Variants in SLC24A2 observed in about 807,000 individuals in gnomAD.
SLC24A2 encodes solute carrier family 24 member 2, also known as sodium/potassium/calcium exchanger 2.
A neutral mutation model predicts 62.0 loss-of-function variants in SLC24A2; 36 were observed. The observed-to-expected ratio is 0.58, with a 90% confidence interval of 0.44 to 0.77. SLC24A2 has a LOEUF of 0.77. SLC24A2 is among the 30% of genes least tolerant of loss of function. The pLI is 0.00. For synonymous variants in SLC24A2, 358 were observed against 294.0 expected, an observed-to-expected ratio of 1.22 and a Z score of -2.23; for missense variants, 846 against 817.9, an observed-to-expected ratio of 1.03 and a Z score of -0.42.
At chr9:20,068,095 G>A in the SLC24A2 span, among the ~76,000 whole-genome samples, 2 of 121,286 alleles carry the variant, frequency 1.6e-5, no homozygotes, top group Admixed American at 1.1e-4. Context: ...ACGGAGTCTC[G>A]CTCTGTCACC....
chr9:20,102,154 C>A, the SLC24A2 span, among the ~76,000 whole-genome samples: 1 of 152,134 alleles, frequency 6.6e-6, no homozygotes, highest in African/African-American at 2.4e-5. Flanking sequence ...GAGTTGGAGC[C>A]TAAACCTACC....
the SLC24A2 span, among the ~76,000 whole-genome samples, chr9:20,220,476 G>T: frequency 6.6e-6 from 1 of 152,072 alleles, no homozygotes; most frequent in Non-Finnish European, 1.5e-5. Context: ...ACCACTTCCT[G>T]GATCAGAAAG....
At chr9:19,713,927 C>G (rs1820787175) in intron 2 of SLC24A2, among the ~76,000 whole-genome samples, 1 of 152,092 alleles carries the variant, frequency 6.6e-6, no homozygotes, top group Non-Finnish European at 1.5e-5. Flanking sequence ...ATTTTGGAGA[C>G]TAAGGGAAGA....
chr9:19,818,588 T>C, the SLC24A2 span, among the ~76,000 whole-genome samples: 3 of 152,056 alleles, frequency 2.0e-5, no homozygotes, highest in Non-Finnish European at 4.4e-5. Context: ...AATCAATAAC[T>C]CAACCCCTTT....
chr9:19,534,111 T>C (rs1016607716), intron 8 of SLC24A2, among the ~76,000 whole-genome samples: 2 of 152,146 alleles, frequency 1.3e-5, no homozygotes, highest in South Asian at 2.1e-4. Context: ...GGGGAAAAAA[T>C]TCGGTCCAGA....
chr9:20,022,062 A>T, the SLC24A2 span, among the ~76,000 whole-genome samples: 1 of 152,268 alleles, frequency 6.6e-6, no homozygotes, highest in South Asian at 2.1e-4. Flanking sequence ...TAAACCAGAT[A>T]CATTTTTCCT....
At chr9:20,172,814 T>A in the SLC24A2 span, among the ~76,000 whole-genome samples, 3 of 152,054 alleles carry the variant, frequency 2.0e-5, no homozygotes, top group Non-Finnish European at 4.4e-5. Flanking sequence ...TTTCACAAGA[T>A]AGAGGAAGAG....
chr9:19,556,289 G>C (rs1047374666), intron 7 of SLC24A2, among the ~76,000 whole-genome samples: 3 of 152,174 alleles, frequency 2.0e-5, no homozygotes, highest in African/African-American at 7.2e-5. Flanking sequence ...ATAAACATCA[G>C]GTCTTCGGTG....
At chr9:20,190,072 G>T in the SLC24A2 span, among the ~76,000 whole-genome samples, 4 of 152,160 alleles carry the variant, frequency 2.6e-5, no homozygotes, top group Non-Finnish European at 5.9e-5. Flanking sequence ...CCTCTCCAGC[G>T]GTTCCCTGGG....
chr9:19,578,918 T>C (rs1447515816), intron 5 of SLC24A2, among the ~76,000 whole-genome samples: 1 of 152,170 alleles, frequency 6.6e-6, no homozygotes, highest in African/African-American at 2.4e-5. Context: ...ATAAGTACCT[T>C]AGTCTAGGCA....
chr9:20,033,790 G>T, the SLC24A2 span, among the ~76,000 whole-genome samples: 1 of 152,142 alleles, frequency 6.6e-6, no homozygotes, highest in South Asian at 2.1e-4. Context: ...GAAAACTCAT[G>T]AATAATCCAC....
chr9:20,205,476 G>A, the SLC24A2 span, among the ~76,000 whole-genome samples: 4 of 151,678 alleles, frequency 2.6e-5, no homozygotes, highest in South Asian at 4.2e-4. Flanking sequence ...GTGAAACACC[G>A]TCTCTACTAA....
At chr9:20,195,061 G>T in the SLC24A2 span, among the ~76,000 whole-genome samples, 1 of 152,024 alleles carries the variant, frequency 6.6e-6, no homozygotes, top group East Asian at 1.9e-4. Context: ...TTTTGTCTCA[G>T]TTTTCTTCCC....
chr9:19,710,523 C>T (rs1158595060), intron 2 of SLC24A2, among the ~76,000 whole-genome samples: 1 of 152,098 alleles, frequency 6.6e-6, no homozygotes, highest in Non-Finnish European at 1.5e-5. Flanking sequence ...GTGGGAATAA[C>T]ACATTTACAG....
chr9:19,642,882 G>A lies in SLC24A2; in HGVS notation c.931-20583C>T, dbSNP rs184072940. 6.6e-5 allele frequency among the ~76,000 whole-genome samples: 10 copies of A among 150,768 alleles called. No individual in the cohort carries two copies. In the East Asian group the frequency reaches 1.6e-3, roughly 24 times the overall value. ...TTTTTAGTAGAGACGGGGTTTCACC[G>A]TGTTAGCCAAGATGGTCTCGATCTC... On this transcript the variant is annotated intron_variant, in intron 2 of 10. Transcript: ENST00000341998.
intron 8 of SLC24A2, among the ~76,000 whole-genome samples, chr9:19,536,563 G>C (rs1472527834): frequency 1.3e-3 from 100 of 74,366 alleles, no homozygotes; most frequent in African/African-American, 5.4e-3. Flanking sequence ...AGTATTCCAT[G>C]GTGTATATGT....
At chr9:19,598,061 G>A (rs1266334777) in intron 4 of SLC24A2, among the ~76,000 whole-genome samples, 1 of 152,208 alleles carries the variant, frequency 6.6e-6, no homozygotes, top group East Asian at 1.9e-4. Flanking sequence ...GTGAGCTGGT[G>A]GGAGTGGCAG....
the SLC24A2 span, among the ~76,000 whole-genome samples, chr9:19,937,008 AT>A: frequency 1.1e-4 from 16 of 152,126 alleles, no homozygotes; most frequent in Non-Finnish European, 1.8e-4. Flanking sequence ...ACTTTAGTGG[AT>A]TTTTTTTAAG....
upstream of SLC24A2, among the ~76,000 whole-genome samples, chr9:19,789,775 C>T (rs1011945815): frequency 6.6e-6 from 1 of 152,160 alleles, no homozygotes; most frequent in African/African-American, 2.4e-5. Context: ...AGTGAGGGAA[C>T]CCCTTTTACC....
Sources: gnomAD v4.1 joint callset for allele counts (sites outside exome capture counted in the v4.1 genomes callset) on GRCh38, gnomAD v4.1.1 for gene constraint, MANE v1.5 for transcripts, NCBI Gene and HGNC (gene_info 2026-07-23, HGNC 2026-07-21) for gene names.